The following MAST4 variants were observed in gnomAD, a reference collection of about 807,000 sequenced individuals.
The protein encoded by MAST4 is microtubule-associated serine/threonine-protein kinase 4.
A neutral mutation model predicts 162.7 loss-of-function variants in MAST4; 89 were observed. The ratio of observed to expected loss-of-function variants is 0.55; its 90% CI spans 0.46 to 0.65. The LOEUF is 0.65. Among genes scored for constraint, MAST4 ranks in the 30% least tolerant of loss-of-function variants. The probability of loss-of-function intolerance (pLI) is 0.00; values close to 1 mark genes in which losing one functional copy is unlikely to be tolerated. For synonymous variants in MAST4, 1,479 were observed against 1,361.1 expected (o/e 1.09, Z -1.91); for missense variants, 3,153 against 3,374.0 (o/e 0.93, Z 1.62).
In MAST4 at chr5:66,981,343, C is replaced by T. The variant is rs576927178; in HGVS notation, c.675-73061C>T. ...ACATTGGACTATGCAGTCAATTGTTCGTTTCTCTACTTTAGGAATGGCTAA... is the reference window on the plus strand; with the variant it reads ...ACATTGGACTATGCAGTCAATTGTTTGTTTCTCTACTTTAGGAATGGCTAA... On this transcript the variant is annotated intron_variant, in intron 4 of 28. Transcript: ENST00000403625. Among the ~76,000 whole-genome samples, 16 of 152,292 alleles carry T rather than the reference C, an allele frequency of 1.1e-4. No individual in the cohort carries two copies. In the South Asian group the frequency reaches 2.7e-3, roughly 26 times the overall value.
chr5:66,671,719 A>G (rs1442523620), intron 1 of MAST4, among the ~76,000 whole-genome samples: 1 of 152,232 alleles, frequency 6.6e-6, no homozygotes, highest in Non-Finnish European at 1.5e-5. Context: ...TGACTGGGCA[A>G]CAGTGATGAG....
At chr5:66,922,733 G>GCT (rs1405832789) in intron 4 of MAST4, among the ~76,000 whole-genome samples, 1 of 152,116 alleles carries the variant, frequency 6.6e-6, no homozygotes, top group Non-Finnish European at 1.5e-5. Flanking sequence ...GGAAAATAAG[G>GCT]ATATTTTAAA....
At chr5:66,908,034 C>T (rs1241146118) in intron 4 of MAST4, among the ~76,000 whole-genome samples, 3 of 151,844 alleles carry the variant, frequency 2.0e-5, no homozygotes, top group South Asian at 2.1e-4. Context: ...AAAAACAAAA[C>T]GAAGAAAAAA....
rs762076747 is a variant in MAST4 at position 67,166,372 on chromosome 5, A to C, written c.7193A>C (p.Asn2398Thr). The part of the protein sequence containing the change: ...EAGLSFVHSE[N>T]RLKGAERPAA... ...GGCCTTTCCTTTGTGCATAGCGAGA[A>C]CCGGTTGAAAGGCGCGGAGCGGCCA... The change falls in exon 29 of 29, where the codon AAC (asparagine) becomes ACC (threonine). Residue 2398 changes from asparagine (N) to threonine (T), a missense_variant. Physicochemically the swap from Asn to Thr is moderately conservative, Grantham distance 65. Coordinates refer to ENST00000403625, the MANE Select transcript of MAST4 (RefSeq NM_001164664.2). The C allele has an allele frequency of 1.2e-6, 2 of 1,611,370 alleles. No individual in the cohort carries two copies. Among genetic ancestry groups the C allele is most frequent in the Non-Finnish European group, 1.7e-6 (2 of 1,178,712 alleles).
chr5:67,025,273 T>C (rs1754504517), intron 4 of MAST4, among the ~76,000 whole-genome samples: 1 of 152,186 alleles, frequency 6.6e-6, no homozygotes. Flanking sequence ...TATCAAGATC[T>C]AGAGGCATGT....
intron 3 of MAST4, among the ~76,000 whole-genome samples, chr5:66,838,620 G>A (rs1038541373): frequency 6.6e-6 from 1 of 152,170 alleles, no homozygotes; most frequent in Non-Finnish European, 1.5e-5. Flanking sequence ...GGGGCCTTGA[G>A]CATGGTGCCC....
In MAST4 at chr5:67,114,113, C is replaced by T; in HGVS notation, c.1485C>T (p.Tyr495=). Residue 495 remains tyrosine (Y), a synonymous_variant, in exon 12 of 29, where the codon TAC becomes TAT. Transcript: ENST00000403625. ...CLEFDPEEFY[Y]LLEAAEGHAK... is the part of the protein sequence containing the mutation. ...AATTTGATCCGGAAGAATTTTACTA[C>T]CTATTGGAAGCAGCAGAAGGCCATG... 4 of 1,613,734 alleles carry T rather than the reference C, an allele frequency of 2.5e-6. No individual in the cohort carries two copies. Among genetic ancestry groups the T allele is most frequent in the Non-Finnish European group, 2.5e-6 (3 of 1,179,792 alleles).
At chr5:66,926,807 G>C (rs375628693) in intron 4 of MAST4, among the ~76,000 whole-genome samples, 1 of 152,078 alleles carries the variant, frequency 6.6e-6, no homozygotes, top group Non-Finnish European at 1.5e-5. Context: ...GACTGTGGCC[G>C]AGGAGCACCA....
chr5:66,843,018 CT>C (rs1191038804), intron 3 of MAST4, among the ~76,000 whole-genome samples: 23 of 152,148 alleles, frequency 1.5e-4, no homozygotes, highest in East Asian at 5.8e-4. Context: ...CTTAAATGAA[CT>C]CCTCCGTGTG....
intron 3 of MAST4, among the ~76,000 whole-genome samples, chr5:66,791,810 A>G (rs79562911): frequency 0.031 from 4,753 of 152,234 alleles, 217 homozygotes; most frequent in African/African-American, 0.11. Context: ...TCCTAATTAT[A>G]GTCTACAGAA....
At position 66,633,902 on chromosome 5, in the gene MAST4, G is replaced by A. The variant is rs533320007; in HGVS notation, c.363+36884G>A. 2.4e-4 allele frequency among the ~76,000 whole-genome samples: 37 copies of A among 152,244 alleles called. No individual in the cohort carries two copies. In the South Asian group the frequency reaches 7.5e-3, roughly 31 times the overall value. ...TGCAAGGCCGTCAGCTTGCACTGTG[G>A]CACACTCCTGAGAAAAATCCCTGTG... On this transcript the variant is annotated intron_variant, in intron 1 of 28. Coordinates refer to ENST00000403625, the MANE Select transcript of MAST4 (RefSeq NM_001164664.2).
intron 4 of MAST4, among the ~76,000 whole-genome samples, chr5:67,049,059 A>ATATAAG (rs1353317830): frequency 1.2e-5 from 1 of 83,010 alleles, no homozygotes; most frequent in Non-Finnish European, 2.8e-5. Context: ...ATATATATAT[A>ATATAAG]CGTATATATA....
At chr5:66,846,186 C>A (rs947352677) in intron 3 of MAST4, among the ~76,000 whole-genome samples, 2 of 152,110 alleles carry the variant, frequency 1.3e-5, no homozygotes, top group African/African-American at 4.8e-5. Context: ...ATGGTCTTAC[C>A]CTTTTTTGCC....
intron 24 of MAST4, among the ~76,000 whole-genome samples, chr5:67,152,396 C>G (rs1214340981): frequency 6.6e-6 from 1 of 152,200 alleles, no homozygotes; most frequent in Admixed American, 6.5e-5. Flanking sequence ...ATTTCTTTCT[C>G]TTTCCTAACT....
intron 4 of MAST4, among the ~76,000 whole-genome samples, chr5:67,010,319 A>T (rs1752520284): frequency 6.6e-6 from 1 of 152,206 alleles, no homozygotes; most frequent in African/African-American, 2.4e-5. Flanking sequence ...ATGAGAACAT[A>T]ACCCTGTGGG....
chr5:67,092,075 C>T (rs1348553979), intron 6 of MAST4, among the ~76,000 whole-genome samples: 3 of 152,314 alleles, frequency 2.0e-5, no homozygotes, highest in East Asian at 1.9e-4. Flanking sequence ...GATTTTTCCT[C>T]AGGCAACATG....
intron 4 of MAST4, among the ~76,000 whole-genome samples, chr5:66,926,502 G>A (rs37549): frequency 0.51 from 77,356 of 151,838 alleles, 20,930 homozygotes; most frequent in Non-Finnish European, 0.61. Flanking sequence ...AGCTGAGATC[G>A]TGCCACTGCA....
At chr5:67,028,497 G>A (rs575175832) in intron 4 of MAST4, among the ~76,000 whole-genome samples, 39 of 152,174 alleles carry the variant, frequency 2.6e-4, no homozygotes, top group Admixed American at 1.8e-3. Context: ...CAAGCATCAC[G>A]GGCTTCTGGG....
At chr5:67,120,673 C>T (rs927858920) in intron 13 of MAST4, among the ~76,000 whole-genome samples, 1 of 152,110 alleles carries the variant, frequency 6.6e-6, no homozygotes, top group African/African-American at 2.4e-5. Flanking sequence ...TCTTTTTTGG[C>T]TGACAGAAAC....
Sources: gnomAD v4.1 joint callset for allele counts (sites outside exome capture counted in the v4.1 genomes callset) on GRCh38, gnomAD v4.1.1 for gene constraint, MANE v1.5 for transcripts, NCBI Gene and HGNC (gene_info 2026-07-23, HGNC 2026-07-21) for gene names.